CPNE8: variants seen among roughly 807,000 people sequenced by gnomAD.
CPNE8 encodes the protein copine 8, also known as copine-8.
CPNE8 carries 45 observed loss-of-function variants against 81.5 expected under a neutral mutation model. The ratio of observed to expected loss-of-function variants is 0.55; its 90% CI spans 0.44 to 0.71. CPNE8 has a LOEUF of 0.71. Ranked by LOEUF, CPNE8 falls within the 30% of genes least tolerant of loss-of-function variation. CPNE8 has a pLI of 0.00. For missense variants in CPNE8, 594 were observed against 672.1 expected (o/e 0.88, Z 1.28); for synonymous variants, 252 against 226.3 (o/e 1.11, Z -1.02).
intron 10 of CPNE8, among the ~76,000 whole-genome samples, chr12:38,739,164 G>GA (rs1941029406): frequency 6.6e-6 from 1 of 152,076 alleles, no homozygotes; most frequent in South Asian, 2.1e-4. Context: ...TAGATTTTGT[G>GA]ATAGGCTTCA....
intron 19 of CPNE8, among the ~76,000 whole-genome samples, chr12:38,668,166 TAAC>T (rs1348486589): frequency 1.3e-5 from 2 of 152,210 alleles, no homozygotes; most frequent in Non-Finnish European, 2.9e-5. Flanking sequence ...TATTGGTAAG[TAAC>T]AAAGTATTTT....
At chr12:38,780,631 T>C (rs1009033358) in intron 6 of CPNE8, among the ~76,000 whole-genome samples, 1 of 152,000 alleles carries the variant, frequency 6.6e-6, no homozygotes, top group Non-Finnish European at 1.5e-5. Flanking sequence ...AAAGATATGA[T>C]CTACAAAGAT....
In CPNE8 at chr12:38,879,192, AG is replaced by A. The variant is rs149103193; in HGVS notation, c.99-4682del. Among the ~76,000 whole-genome samples the A allele has an allele frequency of 6.8e-3, 1,028 of 152,244 alleles. 11 individuals are homozygous for A. The highest frequency in any genetic ancestry group is 0.024 in the African/African-American group (987 of 41,536). ...GGAATGCACACTGTGGTGGAGCCATAGTTTGCCCCATTTGCAGCGGGGAGGA... is the reference window on the plus strand; with the variant it reads ...GGAATGCACACTGTGGTGGAGCCATATTTGCCCCATTTGCAGCGGGGAGGA... On this transcript the variant is annotated intron_variant, in intron 1 of 19. Coordinates refer to ENST00000331366, the MANE Select transcript of CPNE8 (RefSeq NM_153634.3).
chr12:38,779,549 C>T (rs1404023953), intron 6 of CPNE8, among the ~76,000 whole-genome samples: 1 of 152,116 alleles, frequency 6.6e-6, no homozygotes, highest in Non-Finnish European at 1.5e-5. Flanking sequence ...CTCAACCAGG[C>T]TTGCTGTCTT....
chr12:38,675,085 T>C (rs1592002410), intron 18 of CPNE8, among the ~76,000 whole-genome samples: 1 of 152,218 alleles, frequency 6.6e-6, no homozygotes, highest in East Asian at 1.9e-4. Flanking sequence ...TTAATGGGCA[T>C]TTGAACAAGC....
intron 19 of CPNE8, among the ~76,000 whole-genome samples, chr12:38,666,957 C>T (rs527574945): frequency 1.3e-5 from 2 of 152,252 alleles, no homozygotes; most frequent in South Asian, 4.2e-4. Context: ...AATTCTATAG[C>T]TCTTAGCCTG....
At chr12:38,747,328 A>G (rs1941249659) in intron 10 of CPNE8, among the ~76,000 whole-genome samples, 3 of 152,298 alleles carry the variant, frequency 2.0e-5, no homozygotes, top group South Asian at 4.1e-4. Context: ...TCCCACAAGT[A>G]AAGGAGTATG....
intron 6 of CPNE8, among the ~76,000 whole-genome samples, chr12:38,797,166 T>C (rs1273522631): frequency 3.3e-5 from 5 of 152,110 alleles, no homozygotes; most frequent in Non-Finnish European, 7.4e-5. Context: ...GACGTAAATG[T>C]CCCTGTCTGA....
chr12:38,801,042 G>T (rs1942650958), intron 6 of CPNE8, among the ~76,000 whole-genome samples: 2 of 149,508 alleles, frequency 1.3e-5, no homozygotes, highest in South Asian at 4.3e-4. Flanking sequence ...TGGTGTACCT[G>T]AAAGTGATGG....
At chr12:38,698,007 A>G (rs1037686426) in intron 14 of CPNE8, among the ~76,000 whole-genome samples, 1 of 152,204 alleles carries the variant, frequency 6.6e-6, no homozygotes, top group Admixed American at 6.5e-5. Flanking sequence ...AGCAATGCAA[A>G]TGAAACAACA....
intron 6 of CPNE8, among the ~76,000 whole-genome samples, chr12:38,781,088 A>C (rs1234682044): frequency 2.6e-5 from 4 of 152,058 alleles, no homozygotes; most frequent in Non-Finnish European, 4.4e-5. Flanking sequence ...AAATATGCTG[A>C]AAAAATAGAA....
intron 11 of CPNE8, among the ~76,000 whole-genome samples, chr12:38,725,909 C>A (rs1288727679): frequency 2.0e-5 from 3 of 152,112 alleles, no homozygotes; most frequent in Non-Finnish European, 4.4e-5. Flanking sequence ...CTTTTTGGCA[C>A]CAGGGTCTGG....
At chr12:38,685,223 T>C (rs1211151211) in intron 16 of CPNE8, among the ~76,000 whole-genome samples, 1 of 152,216 alleles carries the variant, frequency 6.6e-6, no homozygotes, top group East Asian at 1.9e-4. Flanking sequence ...TGCCTTTTCC[T>C]AAGAAAATGT....
At chr12:38,807,280 G>T (rs1465665748) in intron 6 of CPNE8, among the ~76,000 whole-genome samples, 2 of 147,578 alleles carry the variant, frequency 1.4e-5, no homozygotes, top group Non-Finnish European at 3.0e-5. Flanking sequence ...CCAAAAAAGA[G>T]CCCGCATCGC....
chr12:38,754,136 G>A (rs1264060082), intron 10 of CPNE8, among the ~76,000 whole-genome samples: 1 of 152,122 alleles, frequency 6.6e-6, no homozygotes, highest in African/African-American at 2.4e-5. Flanking sequence ...CACTGAAATC[G>A]GACCTGAACA....
At chr12:38,690,965 G>C (rs1198893255) in intron 15 of CPNE8, among the ~76,000 whole-genome samples, 1 of 152,116 alleles carries the variant, frequency 6.6e-6, no homozygotes, top group African/African-American at 2.4e-5. Flanking sequence ...TTTCATGGAA[G>C]AAAGAATTAA....
At chr12:38,795,938 T>G (rs1444153524) in intron 6 of CPNE8, among the ~76,000 whole-genome samples, 4 of 151,480 alleles carry the variant, frequency 2.6e-5, no homozygotes, top group Admixed American at 2.6e-4. Flanking sequence ...GAGGTTATTC[T>G]GAGAATACAA....
intron 6 of CPNE8, among the ~76,000 whole-genome samples, chr12:38,801,927 G>A (rs1469811513): frequency 2.0e-4 from 15 of 73,578 alleles, no homozygotes; most frequent in African/African-American, 5.2e-4. Context: ...TTACATAATG[G>A]TAAAGGGATC....
intron 6 of CPNE8, among the ~76,000 whole-genome samples, chr12:38,825,313 C>A (rs898365471): frequency 6.6e-6 from 1 of 152,142 alleles, no homozygotes; most frequent in Non-Finnish European, 1.5e-5. Context: ...TATCTCAGAT[C>A]TTCCCATGTT....
Sources: allele counts gnomAD v4.1 joint callset (sites outside exome capture counted in the v4.1 genomes callset), GRCh38; gene constraint gnomAD v4.1.1; transcripts MANE v1.5; gene names NCBI Gene and HGNC (gene_info 2026-07-23, HGNC 2026-07-21).